Variants in PKNOX2 observed in about 807,000 individuals in gnomAD.
The protein encoded by PKNOX2 is PBX/knotted 1 homeobox 2.
In PKNOX2, 14 loss-of-function variants were observed where a neutral mutation model predicts 53.1. The observed-to-expected ratio is 0.26, with a 90% CI of 0.17 to 0.41. PKNOX2 has a LOEUF of 0.41. PKNOX2 is among the 10% of genes least tolerant of loss of function. PKNOX2 has a pLI of 1.00. For synonymous variants in PKNOX2, 257 were observed against 242.8 expected (o/e 1.06, Z -0.54); for missense variants, 496 against 602.8 (o/e 0.82, Z 1.85).
chr11:125,381,833 C>T (rs1370615870), intron 5 of PKNOX2, among the ~76,000 whole-genome samples: 2 of 152,236 alleles, frequency 1.3e-5, no homozygotes, highest in Non-Finnish European at 2.9e-5. Context: ...TTTTCTCCTG[C>T]TGGAACGCCA....
At chr11:125,404,316 G>A (rs1954936708) in intron 7 of PKNOX2, among the ~76,000 whole-genome samples, 2 of 152,244 alleles carry the variant, frequency 1.3e-5, no homozygotes, top group African/African-American at 4.8e-5. Context: ...TGAAACCTGA[G>A]CGCTTCTCCC....
At chr11:125,174,576 A>G (rs776482876) in intron 1 of PKNOX2, among the ~76,000 whole-genome samples, 5 of 152,162 alleles carry the variant, frequency 3.3e-5, no homozygotes, top group Non-Finnish European at 5.9e-5. Context: ...AGGTGATAGG[A>G]CACCAGAGAA....
intron 1 of PKNOX2, among the ~76,000 whole-genome samples, chr11:125,207,500 A>C (rs1249043801): frequency 1.3e-5 from 2 of 152,094 alleles, no homozygotes; most frequent in Non-Finnish European, 2.9e-5. Context: ...ATGCGAGAGA[A>C]ACCACAAGAG....
chr11:125,243,505 G>A (rs150474618), intron 2 of PKNOX2, among the ~76,000 whole-genome samples: 104 of 152,210 alleles, frequency 6.8e-4, no homozygotes, highest in Middle Eastern at 3.4e-3. Flanking sequence ...GATGCTTTTC[G>A]CTCTTTTCTC....
rs570106494 is a variant in PKNOX2 at position 125,290,746 on chromosome 11, TCA to T, written c.-129-41070_-129-41069del. 1.6e-3 allele frequency among the ~76,000 whole-genome samples: 245 copies of T among 152,292 alleles called. 1 individual carries two copies. The highest frequency in any genetic ancestry group is 5.8e-3 in the South Asian group (28 of 4,818). ...TGCTCATTCTCTGCCCTCAGGATGC[TCA>T]CAGTGTGGTGGAGAAATGGGTCAGT... On this transcript the variant is annotated intron_variant, in intron 2 of 12. Transcript: ENST00000298282.
intron 1 of PKNOX2, among the ~76,000 whole-genome samples, chr11:125,219,723 T>G (rs1236884127): frequency 6.6e-6 from 1 of 152,250 alleles, no homozygotes; most frequent in African/African-American, 2.4e-5. Context: ...ATTATTCATT[T>G]ATCTTTTAAA....
chr11:125,229,186 AC>A (rs1383215013), intron 1 of PKNOX2, among the ~76,000 whole-genome samples: 5 of 151,342 alleles, frequency 3.3e-5, no homozygotes, highest in African/African-American at 1.2e-4. Flanking sequence ...CACCCCCACC[AC>A]CCCCACACTA....
intron 2 of PKNOX2, among the ~76,000 whole-genome samples, chr11:125,301,161 T>C (rs564131331): frequency 2.0e-4 from 30 of 152,280 alleles, no homozygotes; most frequent in African/African-American, 7.2e-4. Context: ...CAGGGAGCGC[T>C]GTTTGGAGCT....
chr11:125,356,611 C>A (rs1323259626), intron 4 of PKNOX2, among the ~76,000 whole-genome samples: 1 of 152,194 alleles, frequency 6.6e-6, no homozygotes, highest in Non-Finnish European at 1.5e-5. Flanking sequence ...GGGGTCAAGA[C>A]AACATTGTCT....
chr11:125,314,634 A>C (rs1949043611), intron 2 of PKNOX2, among the ~76,000 whole-genome samples: 1 of 151,872 alleles, frequency 6.6e-6, no homozygotes, highest in Non-Finnish European at 1.5e-5. Context: ...CACAGCTGGG[A>C]GCAGAGGAGG....
At chr11:125,228,072 C>T (rs1349337926) in intron 1 of PKNOX2, among the ~76,000 whole-genome samples, 1 of 152,140 alleles carries the variant, frequency 6.6e-6, no homozygotes, top group Non-Finnish European at 1.5e-5. Context: ...GTGTACTGCT[C>T]CTCTCCCCTC....
At chr11:125,326,292 G>A (rs1949816347) in intron 2 of PKNOX2, among the ~76,000 whole-genome samples, 1 of 152,202 alleles carries the variant, frequency 6.6e-6, no homozygotes, top group Non-Finnish European at 1.5e-5. Flanking sequence ...GTCTTTGCAG[G>A]TTGGATGGGA....
chr11:125,295,492 C>G (rs1298359541), intron 2 of PKNOX2, among the ~76,000 whole-genome samples: 1 of 152,232 alleles, frequency 6.6e-6, no homozygotes, highest in East Asian at 1.9e-4. Flanking sequence ...GCACCACTCT[C>G]AGAGCCAGAG....
chr11:125,327,178 C>G (rs1005118245), intron 2 of PKNOX2, among the ~76,000 whole-genome samples: 1 of 152,154 alleles, frequency 6.6e-6, no homozygotes, highest in Non-Finnish European at 1.5e-5. Context: ...TCCAGAGGCT[C>G]GGTCTTCACT....
intron 2 of PKNOX2, among the ~76,000 whole-genome samples, chr11:125,271,279 C>T (rs1294492097): frequency 2.0e-5 from 3 of 152,194 alleles, no homozygotes; most frequent in Non-Finnish European, 2.9e-5. Flanking sequence ...GGCCATTTTG[C>T]TCTGCTTTTA....
intron 4 of PKNOX2, among the ~76,000 whole-genome samples, chr11:125,359,151 AC>A (rs1565505807): frequency 6.6e-6 from 1 of 151,946 alleles, no homozygotes; most frequent in Admixed American, 6.5e-5. Flanking sequence ...GAAGGTGGAC[AC>A]CATCAGGTGC....
intron 1 of PKNOX2, among the ~76,000 whole-genome samples, chr11:125,194,596 G>A (rs776150078): frequency 6.6e-5 from 10 of 152,054 alleles, no homozygotes; most frequent in Non-Finnish European, 1.3e-4. Context: ...AGCCTCTCCT[G>A]GGGTTTTGGT....
At chr11:125,239,540 T>C (rs1342882770) in intron 2 of PKNOX2, 2 of 152,242 alleles carry the variant, frequency 1.3e-5, no homozygotes, top group Non-Finnish European at 1.5e-5. Context: ...TTTTACCCCA[T>C]GTGAAACACT....
intron 5 of PKNOX2, among the ~76,000 whole-genome samples, chr11:125,380,137 A>G (rs1016890298): frequency 6.6e-6 from 1 of 152,174 alleles, no homozygotes; most frequent in African/African-American, 2.4e-5. Context: ...CTCCTGGGGA[A>G]GGCGCCCGCC....
Sources: allele counts gnomAD v4.1 joint callset (sites outside exome capture counted in the v4.1 genomes callset), GRCh38; gene constraint gnomAD v4.1.1; transcripts MANE v1.5; gene names NCBI Gene and HGNC (gene_info 2026-07-23, HGNC 2026-07-21).